AFF1: variants seen among roughly 807,000 people sequenced by gnomAD.
AFF1 encodes ALF transcription elongation factor 1.
Under a neutral mutation model 121.7 loss-of-function variants are expected in AFF1, and 48 were observed. That is an observed-to-expected ratio of 0.39 (90% CI 0.31 to 0.50). The LOEUF is 0.50. Among genes scored for constraint, AFF1 ranks in the 20% least tolerant of loss-of-function variants. The probability of loss-of-function intolerance (pLI) is 0.76; values close to 1 mark genes in which losing one functional copy is unlikely to be tolerated. For synonymous variants in AFF1, 613 were observed against 563.0 expected (o/e 1.09, Z -1.26); for missense variants, 1,523 against 1,511.7 (o/e 1.01, Z -0.12).
intron 16 of AFF1, among the ~76,000 whole-genome samples, chr4:87,128,628 G>A (rs1239484797): frequency 6.6e-6 from 1 of 152,158 alleles, no homozygotes; most frequent in East Asian, 1.9e-4. Flanking sequence ...GATTCATGGT[G>A]GCCCAGCCCG....
intron 4 of AFF1, among the ~76,000 whole-genome samples, chr4:87,079,458 G>A (rs754704608): frequency 1.3e-5 from 2 of 152,226 alleles, no homozygotes; most frequent in African/African-American, 4.8e-5. Flanking sequence ...GTAGGAAGAG[G>A]CAGTTAAATG....
intron 8 of AFF1, among the ~76,000 whole-genome samples, chr4:87,099,742 A>G (rs1026650062): frequency 6.6e-6 from 1 of 152,160 alleles, no homozygotes; most frequent in African/African-American, 2.4e-5. Flanking sequence ...TGCTTTAGGT[A>G]CTTGGAGAAA....
chr4:87,101,189 C>T (rs180961065), intron 8 of AFF1, among the ~76,000 whole-genome samples: 18 of 152,302 alleles, frequency 1.2e-4, no homozygotes, highest in Admixed American at 7.2e-4. Context: ...TAGCCTGCTT[C>T]GTAATTTGTA....
At chr4:87,006,878 T>A (rs1046425181) in intron 2 of AFF1, 1 of 862,354 alleles carries the variant, frequency 1.2e-6, no homozygotes. Flanking sequence ...CGCCTGCCTT[T>A]GGCTAGGGCC....
intron 8 of AFF1, among the ~76,000 whole-genome samples, chr4:87,104,625 CA>C (rs1371704968): frequency 1.3e-5 from 2 of 152,120 alleles, no homozygotes; most frequent in East Asian, 3.9e-4. Context: ...CCAGGATTTC[CA>C]AAGACACCAT....
intron 12 of AFF1, among the ~76,000 whole-genome samples, chr4:87,115,886 G>A (rs1290560244): frequency 2.6e-5 from 4 of 151,858 alleles, no homozygotes; most frequent in Non-Finnish European, 4.4e-5. Context: ...CAAAGTGATG[G>A]GATTACAGGC....
chr4:87,004,366 C>T (rs1309481966), intron 2 of AFF1, among the ~76,000 whole-genome samples: 1 of 152,072 alleles, frequency 6.6e-6, no homozygotes, highest in Non-Finnish European at 1.5e-5. Flanking sequence ...TTATTTACTA[C>T]ATTAAAAATT....
chr4:87,007,284 CGGGGCGCCG>C, intron 2 of AFF1: 1 of 1,560,360 alleles, frequency 6.4e-7, no homozygotes, highest in East Asian at 2.3e-5. Context: ...CCCGTAACAT[CGGGGCGCCG>C]CGCCGGGACG....
chr4:87,124,770 C>A (rs1049937125), intron 12 of AFF1, among the ~76,000 whole-genome samples: 1 of 152,126 alleles, frequency 6.6e-6, no homozygotes, highest in Non-Finnish European at 1.5e-5. Flanking sequence ...CTTTAGGCAT[C>A]TTCGTTTTCT....
intron 2 of AFF1, among the ~76,000 whole-genome samples, chr4:86,982,547 T>C (rs1723840698): frequency 6.6e-6 from 1 of 151,554 alleles, no homozygotes; most frequent in Non-Finnish European, 1.5e-5. Flanking sequence ...CCTTCATGAA[T>C]GGGATTAGTG....
intron 2 of AFF1, among the ~76,000 whole-genome samples, chr4:87,037,046 GTC>G (rs1343774502): frequency 6.6e-6 from 1 of 152,094 alleles, no homozygotes; most frequent in Non-Finnish European, 1.5e-5. Context: ...CTTGCTAACA[GTC>G]TAAGACTGAG....
At chr4:86,967,735 CTG>C (rs1469955047) in intron 2 of AFF1, among the ~76,000 whole-genome samples, 1 of 151,736 alleles carries the variant, frequency 6.6e-6, no homozygotes, top group Admixed American at 6.6e-5. Flanking sequence ...GGTTTTGTCA[CTG>C]GGAGATGCTG....
intron 4 of AFF1, among the ~76,000 whole-genome samples, chr4:87,063,147 T>C (rs1235333749): frequency 6.6e-6 from 1 of 151,664 alleles, no homozygotes; most frequent in Non-Finnish European, 1.5e-5. Flanking sequence ...ATAGTAAGTA[T>C]GTAATAGCTG....
intron 8 of AFF1, among the ~76,000 whole-genome samples, 161 bp downstream of exon 8, chr4:87,095,130 T>A (rs1409155337): frequency 6.6e-6 from 1 of 152,202 alleles, no homozygotes; most frequent in Non-Finnish European, 1.5e-5. Context: ...TTTTGCTTGT[T>A]TGTTTGAGAT....
chr4:87,086,644 G>A (rs1341230543), intron 5 of AFF1, among the ~76,000 whole-genome samples: 2 of 152,114 alleles, frequency 1.3e-5, no homozygotes, highest in East Asian at 3.8e-4. Flanking sequence ...GGTCGCTGCT[G>A]GGCTTTGGTT....
chr4:87,106,406 T>A (rs1725914410), intron 10 of AFF1, among the ~76,000 whole-genome samples: 1 of 152,164 alleles, frequency 6.6e-6, no homozygotes, highest in Non-Finnish European at 1.5e-5. Context: ...ACAAACAAGC[T>A]TAAAATACAA....
intron 2 of AFF1, chr4:87,020,909 T>C (rs72667754): frequency 0.2 from 170,307 of 868,158 alleles, 17,050 homozygotes; most frequent in East Asian, 0.32. Context: ...TGATATTTCT[T>C]AAAAAGATGT....
chr4:86,950,218 G>T (rs1721207874), intron 2 of AFF1: 5 of 1,123,018 alleles, frequency 4.5e-6, no homozygotes, highest in East Asian at 2.5e-5. Flanking sequence ...CGCTATTGTT[G>T]CCCCGGCTGG....
intron 5 of AFF1, among the ~76,000 whole-genome samples, chr4:87,087,548 A>C (rs1471252619): frequency 6.6e-6 from 1 of 152,182 alleles, no homozygotes; most frequent in Non-Finnish European, 1.5e-5. Context: ...TGTTCATGTG[A>C]CAAGTCATTG....
Sources: allele counts gnomAD v4.1 joint callset (sites outside exome capture counted in the v4.1 genomes callset), GRCh38; gene constraint gnomAD v4.1.1; transcripts MANE v1.5; gene names NCBI Gene and HGNC (gene_info 2026-07-23, HGNC 2026-07-21).